ZRANB1: variants seen among roughly 807,000 people sequenced by gnomAD.
ZRANB1 encodes the protein ubiquitin thioesterase ZRANB1.
Under a neutral mutation model 80.5 loss-of-function variants are expected in ZRANB1, and 16 were observed. The ratio of observed to expected loss-of-function variants is 0.20; its 90% confidence interval spans 0.13 to 0.30. ZRANB1 has a LOEUF of 0.30. Among genes scored for constraint, ZRANB1 ranks in the 10% least tolerant of loss-of-function variants. The probability of loss-of-function intolerance (pLI) is 1.00; values close to 1 mark genes in which losing one functional copy is unlikely to be tolerated. For synonymous variants in ZRANB1, 291 were observed against 293.1 expected, an observed-to-expected ratio of 0.99 and a Z score of 0.07; for missense variants, 576 against 862.6, an observed-to-expected ratio of 0.67 and a Z score of 4.16.
At chr10:124,960,508 T>A (rs932420750) in intron 1 of ZRANB1, among the ~76,000 whole-genome samples, 3 of 152,204 alleles carry the variant, frequency 2.0e-5, no homozygotes, top group Non-Finnish European at 4.4e-5. Context: ...CATAGCTCAT[T>A]GCAGCCTCGA....
At chr10:124,972,146 C>G (rs1388811704) in intron 3 of ZRANB1, 28 bp downstream of exon 3, 7 of 1,598,402 alleles carry the variant, frequency 4.4e-6, no homozygotes, top group Non-Finnish European at 6.0e-6. Context: ...CGTAAAAAGA[C>G]TTTTTTATTT....
At chr10:124,917,722 C>T in the ZRANB1 span, among the ~76,000 whole-genome samples, 1 of 152,164 alleles carries the variant, frequency 6.6e-6, no homozygotes, top group Non-Finnish European at 1.5e-5. Flanking sequence ...GCTTGCTTTC[C>T]ACCTCCTGCG....
At chr10:124,952,168 G>A (rs1010919819) in intron 1 of ZRANB1, among the ~76,000 whole-genome samples, 1 of 152,080 alleles carries the variant, frequency 6.6e-6, no homozygotes, top group African/African-American at 2.4e-5. Context: ...CCATGCGTGC[G>A]TCCCAGTCCC....
chr10:124,980,279 A>T (rs1169236199), intron 5 of ZRANB1, among the ~76,000 whole-genome samples: 2 of 152,182 alleles, frequency 1.3e-5, no homozygotes, highest in African/African-American at 2.4e-5. Flanking sequence ...GTAGTATCAG[A>T]GTTTAGGTCT....
the ZRANB1 span, among the ~76,000 whole-genome samples, chr10:124,920,315 C>T: frequency 1.3e-5 from 2 of 152,154 alleles, no homozygotes; most frequent in African/African-American, 4.8e-5. Context: ...AATACTTATC[C>T]TCTCATTGAT....
chr10:124,935,864 G>A, the ZRANB1 span, among the ~76,000 whole-genome samples: 1 of 152,172 alleles, frequency 6.6e-6, no homozygotes, highest in African/African-American at 2.4e-5. Flanking sequence ...ATCGAAGGGA[G>A]GGATGGAAAT....
At chr10:124,973,508 A>G (rs758143060) in intron 3 of ZRANB1, 137 bp from the exon 4 acceptor site, 8 of 720,706 alleles carry the variant, frequency 1.1e-5, no homozygotes, top group Non-Finnish European at 1.8e-5. Flanking sequence ...ATTAAGAAAA[A>G]GCTATCTGAT....
intron 1 of ZRANB1, among the ~76,000 whole-genome samples, chr10:124,961,534 G>A (rs1034685227): frequency 6.6e-6 from 1 of 152,120 alleles, no homozygotes; most frequent in African/African-American, 2.4e-5. Context: ...TCTTTCTTAC[G>A]AAGTTATCTG....
rs1444677426 is a variant in ZRANB1, at chr10:124,968,228, G to C, written c.1002+1447G>C. ...ACATTTTTTAATGGTAAGAGAAATAGAGTAAAAGTGCAGAGAGTCATATTA... is the reference window on the plus strand; with the variant it reads ...ACATTTTTTAATGGTAAGAGAAATACAGTAAAAGTGCAGAGAGTCATATTA... On this transcript the variant is annotated intron_variant, in intron 2 of 8. Coordinates refer to ENST00000359653, the MANE Select transcript of ZRANB1 (RefSeq NM_017580.3). Among the ~76,000 whole-genome samples, 3 of 152,310 alleles carry C rather than the reference G, an allele frequency of 2.0e-5. No homozygotes were observed. The East Asian group carries it at 5.8e-4, about 29-fold the overall frequency.
intron 2 of ZRANB1, among the ~76,000 whole-genome samples, chr10:124,970,898 C>T (rs1951820262): frequency 1.5e-5 from 2 of 130,246 alleles, no homozygotes; most frequent in South Asian, 2.6e-4. Flanking sequence ...AGTGCAGTGG[C>T]GCGTTCTCAG....
At chr10:124,919,291 T>A in the ZRANB1 span, among the ~76,000 whole-genome samples, 6 of 152,312 alleles carry the variant, frequency 3.9e-5, no homozygotes, top group South Asian at 1.2e-3. Flanking sequence ...ATGCCTATAA[T>A]CCCAGCACTT....
chr10:124,924,201 C>G, the ZRANB1 span, among the ~76,000 whole-genome samples: 1 of 151,394 alleles, frequency 6.6e-6, no homozygotes, highest in Non-Finnish European at 1.5e-5. Flanking sequence ...GCCTCCGCAC[C>G]TGGCCATAAT....
the ZRANB1 span, among the ~76,000 whole-genome samples, chr10:124,923,690 A>G: frequency 6.6e-6 from 1 of 151,906 alleles, no homozygotes; most frequent in South Asian, 2.1e-4. Flanking sequence ...AGGTGAAGAG[A>G]AAAAAAGCAC....
intron 2 of ZRANB1, among the ~76,000 whole-genome samples, 158 bp from the exon 3 acceptor site, chr10:124,971,807 T>A (rs1161660193): frequency 6.6e-6 from 1 of 152,272 alleles, no homozygotes; most frequent in Non-Finnish European, 1.5e-5. Flanking sequence ...CTTATTCTGG[T>A]ATATACTTTC....
rs141905660 is a variant in ZRANB1 at position 124,959,877 on chromosome 10, A to G, written c.815-6717A>G. ...ATGGCAGACCAGTAGAGTAAATGAT[A>G]GCAACTTAGGTATAGCCAGGTATAG... On this transcript the variant is annotated intron_variant, in intron 1 of 8. Coordinates refer to ENST00000359653, the MANE Select transcript of ZRANB1 (RefSeq NM_017580.3). Among the ~76,000 whole-genome samples, 19 of 152,356 alleles carry G rather than the reference A, an allele frequency of 1.2e-4. No individual in the cohort carries two copies. In the South Asian group the frequency reaches 2.1e-3, roughly 17 times the overall value.
intron 5 of ZRANB1, among the ~76,000 whole-genome samples, chr10:124,977,834 C>T (rs1951892989): frequency 6.6e-6 from 1 of 151,750 alleles, no homozygotes; most frequent in Non-Finnish European, 1.5e-5. Flanking sequence ...TTTACAGCCA[C>T]TGGCAAGAGT....
chr10:124,926,724 G>A, the ZRANB1 span, among the ~76,000 whole-genome samples: 2 of 151,986 alleles, frequency 1.3e-5, no homozygotes, highest in African/African-American at 2.4e-5. Flanking sequence ...CAGATATTAC[G>A]TACTGTATAT....
chr10:124,947,109 T>C (rs1475280351), intron 1 of ZRANB1, among the ~76,000 whole-genome samples: 1 of 152,214 alleles, frequency 6.6e-6, no homozygotes, highest in Non-Finnish European at 1.5e-5. Flanking sequence ...CATATTGACA[T>C]AGCTGTTGGG....
intron 1 of ZRANB1, among the ~76,000 whole-genome samples, chr10:124,947,840 C>G (rs1206795680): frequency 1.3e-5 from 2 of 152,134 alleles, no homozygotes; most frequent in Admixed American, 6.5e-5. Context: ...CTATTCTTGT[C>G]CAAACCATGA....
Sources: gnomAD v4.1 joint callset for allele counts (sites outside exome capture counted in the v4.1 genomes callset) on GRCh38, gnomAD v4.1.1 for gene constraint, MANE v1.5 for transcripts, NCBI Gene and HGNC (gene_info 2026-07-23, HGNC 2026-07-21) for gene names.